TMEM132C: variants seen among roughly 807,000 people sequenced by gnomAD.
TMEM132C encodes protein phosphatase 1, regulatory subunit 152.
TMEM132C carries 29 observed loss-of-function variants against 61.4 expected under a neutral mutation model. That is an observed-to-expected ratio of 0.47 (90% CI 0.35 to 0.64). The LOEUF is 0.64. TMEM132C is among the 30% of genes least tolerant of loss of function. The pLI is 0.00. For synonymous variants in TMEM132C, 656 were observed against 633.1 expected (o/e 1.04, Z -0.54); for missense variants, 1,408 against 1,476.9 (o/e 0.95, Z 0.76).
chr12:128,448,913 G>A (rs910412847), intron 2 of TMEM132C, among the ~76,000 whole-genome samples: 71 of 151,830 alleles, frequency 4.7e-4, no homozygotes, highest in African/African-American at 1.6e-3. Flanking sequence ...CGAGGCGGGC[G>A]GATCACGAGG....
intron 1 of TMEM132C, among the ~76,000 whole-genome samples, chr12:128,390,986 C>G (rs1228695416): frequency 6.6e-6 from 1 of 152,200 alleles, no homozygotes; most frequent in Admixed American, 6.5e-5. Context: ...CCTCTTGGTG[C>G]ATTTTATCAG....
chr12:128,319,354 C>CAA (rs1555217147), intron 1 of TMEM132C, among the ~76,000 whole-genome samples: 1 of 149,286 alleles, frequency 6.7e-6, no homozygotes, highest in Non-Finnish European at 1.5e-5. Flanking sequence ...TTTGCAGTCC[C>CAA]GAGAGAGAGA....
intron 2 of TMEM132C, among the ~76,000 whole-genome samples, chr12:128,476,849 A>G (rs1435557538): frequency 2.0e-5 from 3 of 152,208 alleles, no homozygotes; most frequent in Non-Finnish European, 4.4e-5. Context: ...TTTGCCTACT[A>G]TATTCCCTAA....
intron 1 of TMEM132C, among the ~76,000 whole-genome samples, chr12:128,338,454 T>C (rs1346405292): frequency 6.6e-6 from 1 of 152,162 alleles, no homozygotes; most frequent in Non-Finnish European, 1.5e-5. Flanking sequence ...TGTGACCCAT[T>C]TATAAAATGC....
chr12:128,295,380 T>C (rs1432664495), intron 1 of TMEM132C, among the ~76,000 whole-genome samples: 1 of 152,138 alleles, frequency 6.6e-6, no homozygotes, highest in African/African-American at 2.4e-5. Flanking sequence ...CACTAAGACC[T>C]TTCATCAGCA....
chr12:128,486,318 C>T (rs1593070487), intron 2 of TMEM132C, among the ~76,000 whole-genome samples: 1 of 152,094 alleles, frequency 6.6e-6, no homozygotes, highest in African/African-American at 2.4e-5. Flanking sequence ...ATCTCCAAGA[C>T]GGACATGTGG....
At chr12:128,512,959 A>AG (rs1313294208) in intron 2 of TMEM132C, among the ~76,000 whole-genome samples, 1 of 152,206 alleles carries the variant, frequency 6.6e-6, no homozygotes, top group African/African-American at 2.4e-5. Flanking sequence ...GATCTCAGCC[A>AG]GGGGGTACAG....
intron 2 of TMEM132C, among the ~76,000 whole-genome samples, chr12:128,425,310 G>T (rs1949451): frequency 0.014 from 2,078 of 152,334 alleles, 46 homozygotes; most frequent in African/African-American, 0.047. Flanking sequence ...GGGAGGGGCC[G>T]TAGTGAATGG....
chr12:128,353,292 G>T (rs1046255296), intron 1 of TMEM132C, among the ~76,000 whole-genome samples: 1 of 152,188 alleles, frequency 6.6e-6, no homozygotes, highest in African/African-American at 2.4e-5. Context: ...GCTTCTCCCT[G>T]TCTGGAGGAG....
At chr12:128,530,512 C>T (rs983479597) in intron 2 of TMEM132C, among the ~76,000 whole-genome samples, 12 of 151,928 alleles carry the variant, frequency 7.9e-5, no homozygotes, top group East Asian at 1.9e-4. Flanking sequence ...GGCACAATCT[C>T]GGCTCACTGC....
At chr12:128,505,798 A>G (rs554606711) in intron 2 of TMEM132C, among the ~76,000 whole-genome samples, 1 of 152,300 alleles carries the variant, frequency 6.6e-6, no homozygotes, top group Admixed American at 6.5e-5. Context: ...CTCCATATAG[A>G]GGACACAAAG....
At chr12:128,562,096 T>C (rs549040816) in intron 3 of TMEM132C, among the ~76,000 whole-genome samples, 1 of 152,274 alleles carries the variant, frequency 6.6e-6, no homozygotes, top group African/African-American at 2.4e-5. Context: ...TACCCCAAAC[T>C]ACAGCCTCCG....
intron 1 of TMEM132C, among the ~76,000 whole-genome samples, chr12:128,280,952 G>A (rs949050312): frequency 2.0e-5 from 3 of 152,086 alleles, no homozygotes; most frequent in African/African-American, 7.2e-5. Context: ...AGAAAAATGT[G>A]GGTGTTGTTA....
At chr12:128,315,030 G>A (rs944324312) in intron 1 of TMEM132C, among the ~76,000 whole-genome samples, 5 of 152,144 alleles carry the variant, frequency 3.3e-5, no homozygotes, top group African/African-American at 1.2e-4. Flanking sequence ...ATTAAAGCAG[G>A]CAATATGTTA....
intron 2 of TMEM132C, among the ~76,000 whole-genome samples, chr12:128,473,947 T>A (rs898364759): frequency 6.6e-6 from 1 of 152,218 alleles, no homozygotes; most frequent in African/African-American, 2.4e-5. Flanking sequence ...CTTTTGGGGA[T>A]CACCAGTCAC....
At chr12:128,316,172 T>C (rs1328180602) in intron 1 of TMEM132C, among the ~76,000 whole-genome samples, 1 of 152,132 alleles carries the variant, frequency 6.6e-6, no homozygotes, top group African/African-American at 2.4e-5. Flanking sequence ...CACAGTCACC[T>C]GAGCATATTA....
chr12:128,556,387 C>G (rs868749983), intron 3 of TMEM132C, among the ~76,000 whole-genome samples: 1 of 152,270 alleles, frequency 6.6e-6, no homozygotes, highest in South Asian at 2.1e-4. Flanking sequence ...CCCATGAGAA[C>G]CTGCACAGTG....
At chr12:128,669,750 A>AG (rs561881040) in intron 5 of TMEM132C, among the ~76,000 whole-genome samples, 190 bp downstream of exon 5, 76 of 152,224 alleles carry the variant, frequency 5.0e-4, no homozygotes, top group Non-Finnish European at 1.0e-3. Context: ...CAACCTGGTT[A>AG]GGGTTTTTGG....
rs1273953125 is a variant in TMEM132C at position 128,697,366 on chromosome 12, C to T, written c.2072C>T (p.Ala691Val). The T allele has an allele frequency of 3.9e-5, 61 of 1,550,790 alleles. No individual in the cohort carries two copies. Among genetic ancestry groups the T allele is most frequent in the Non-Finnish European group, 5.1e-5 (58 of 1,146,470 alleles). The stretch of plus-strand genomic sequence containing the variant: ...TACCCCAACGCAGAAAACAGCAAGG[C>T]CGTAACAGCTGTGGTCACAGCTGAG... ...ALYPNAENSKAVTAVVTAEEV... is the reference protein window; with the variant it reads ...ALYPNAENSKVVTAVVTAEEV... Residue 691 changes from alanine to valine, a missense_variant, in exon 8 of 9, where the codon GCC (alanine) becomes GTC (valine). By Grantham distance (64) the Ala-to-Val change is moderately conservative. Coordinates refer to ENST00000435159, the MANE Select transcript of TMEM132C (RefSeq NM_001136103.3).
Sources: gnomAD v4.1 joint callset for allele counts (sites outside exome capture counted in the v4.1 genomes callset) on GRCh38, gnomAD v4.1.1 for gene constraint, MANE v1.5 for transcripts, NCBI Gene and HGNC (gene_info 2026-07-23, HGNC 2026-07-21) for gene names.